Variants in EIF4G3 observed in about 807,000 individuals in gnomAD.
The protein encoded by EIF4G3 is eIF-4-gamma 3.
In EIF4G3, 34 loss-of-function variants were observed where a neutral mutation model predicts 186.4. The ratio of observed to expected loss-of-function variants is 0.18; its 90% CI spans 0.14 to 0.24. The LOEUF (loss-of-function observed/expected upper bound fraction) is 0.24. EIF4G3 is among the 10% of genes least tolerant of loss of function. The pLI, the probability that EIF4G3 is intolerant of heterozygous loss-of-function variation, is 1.00. For synonymous variants in EIF4G3, 673 were observed against 679.5 expected (o/e 0.99, Z 0.15); for missense variants, 1,536 against 1,948.5 (o/e 0.79, Z 3.99).
intron 2 of EIF4G3, chr1:21,168,173 G>C (rs771518134): frequency 2.6e-6 from 1 of 383,460 alleles, no homozygotes; most frequent in African/African-American, 2.2e-5. Flanking sequence ...GGAGGCTGAG[G>C]TGGGCAGATC....
intron 4 of EIF4G3, among the ~76,000 whole-genome samples, chr1:21,034,504 C>T (rs766179753): frequency 1.3e-5 from 2 of 152,196 alleles, no homozygotes; most frequent in Non-Finnish European, 2.9e-5. Flanking sequence ...ATTTGTGATG[C>T]CATTCTATCA....
chr1:21,159,436 A>C (rs1248595971), intron 2 of EIF4G3, among the ~76,000 whole-genome samples: 2 of 151,726 alleles, frequency 1.3e-5, no homozygotes, highest in African/African-American at 2.4e-5. Context: ...GGGTTTAAAA[A>C]AAAAAAAAAG....
intron 2 of EIF4G3, among the ~76,000 whole-genome samples, chr1:21,158,921 T>C (rs1233019546): frequency 6.6e-6 from 1 of 151,784 alleles, no homozygotes; most frequent in Non-Finnish European, 1.5e-5. Context: ...GTAAAGACAC[T>C]AGATCTGCAG....
At position 20,937,567 on chromosome 1, in the gene EIF4G3, T is replaced by C. The variant is rs1290371531; in HGVS notation, c.1663+3924A>G. Reference sequence around the variant, plus strand: ...GCAAGAGCCAAAAAAACAAAATAAATAGAAAAATTAGAAATCTCCCTCTGC... The same window carrying C: ...GCAAGAGCCAAAAAAACAAAATAAACAGAAAAATTAGAAATCTCCCTCTGC... On this transcript the variant is annotated intron_variant, in intron 14 of 36. Transcript: ENST00000602326. Among the ~76,000 whole-genome samples the C allele has an allele frequency of 2.6e-5, 4 of 152,056 alleles. No individual in the cohort carries two copies. In the South Asian group the frequency reaches 6.2e-4, roughly 24 times the overall value.
intron 4 of EIF4G3, among the ~76,000 whole-genome samples, chr1:21,049,753 T>C (rs1167770316): frequency 6.6e-6 from 1 of 152,126 alleles, no homozygotes; most frequent in Non-Finnish European, 1.5e-5. Context: ...TAGCCGGGCA[T>C]GGTGGCATGA....
At chr1:21,165,461 G>T (rs752167189) in intron 2 of EIF4G3, among the ~76,000 whole-genome samples, 42 of 152,074 alleles carry the variant, frequency 2.8e-4, no homozygotes, top group Admixed American at 6.6e-4. Flanking sequence ...CCAAAAAGTT[G>T]AAACAACCCA....
intron 2 of EIF4G3, among the ~76,000 whole-genome samples, chr1:21,114,722 A>AT (rs200206700): frequency 0.12 from 17,567 of 152,128 alleles, 1,405 homozygotes; most frequent in Non-Finnish European, 0.17. Flanking sequence ...AATAAAAAAA[A>AT]TTTTTTTTGC....
At chr1:20,871,119 A>G (rs1283289792) in intron 20 of EIF4G3, among the ~76,000 whole-genome samples, 1 of 152,242 alleles carries the variant, frequency 6.6e-6, no homozygotes, top group Non-Finnish European at 1.5e-5. Context: ...AAATAATTTT[A>G]TACTCTAGGA....
At chr1:21,156,790 T>C (rs2097668734) in intron 2 of EIF4G3, among the ~76,000 whole-genome samples, 1 of 152,048 alleles carries the variant, frequency 6.6e-6, no homozygotes, top group African/African-American at 2.4e-5. Flanking sequence ...CTTGGAAAAA[T>C]TAGGCCGGGC....
chr1:20,842,655 C>T (rs768405394), intron 29 of EIF4G3, among the ~76,000 whole-genome samples: 5 of 151,576 alleles, frequency 3.3e-5, no homozygotes, highest in Admixed American at 2.6e-4. Flanking sequence ...CGTGAGCCAC[C>T]GCGCCCGGCT....
intron 6 of EIF4G3, chr1:20,998,766 T>TTG (rs2082849730): frequency 2.7e-6 from 1 of 369,634 alleles, no homozygotes; most frequent in Non-Finnish European, 5.4e-6. Flanking sequence ...ACGTTAGCTA[T>TTG]TGTAATGTTA....
intron 2 of EIF4G3, among the ~76,000 whole-genome samples, chr1:21,141,687 G>A (rs1252319746): frequency 2.6e-5 from 4 of 152,064 alleles, no homozygotes; most frequent in Admixed American, 6.6e-5. Flanking sequence ...CCAACACTTT[G>A]GGAAGCCAAG....
At chr1:21,045,856 T>A (rs1216772907) in intron 4 of EIF4G3, among the ~76,000 whole-genome samples, 2 of 152,134 alleles carry the variant, frequency 1.3e-5, no homozygotes, top group Non-Finnish European at 2.9e-5. Context: ...AAAATAGTTT[T>A]ATAATTTTCC....
chr1:20,982,418 T>G lies in EIF4G3; in HGVS notation c.178-10A>C. 1 of 1,525,708 alleles carries G rather than the reference T, an allele frequency of 6.6e-7. No individual in the cohort carries two copies. Among genetic ancestry groups the G allele is most frequent in the East Asian group, 2.5e-5 (1 of 39,906 alleles). 94.5% of individuals were successfully genotyped at this position (1,525,708 alleles called of 1,614,324 possible). A position where few individuals can be genotyped will look rare whatever the true frequency, so the allele number is the denominator to read the frequency against. Reference sequence around the variant, plus strand: ...TAGGTCTGAATCCTCCCTTCAAATATGAAGCAAGAAAGCAGCAGGAAACAG... The same window carrying G: ...TAGGTCTGAATCCTCCCTTCAAATAGGAAGCAAGAAAGCAGCAGGAAACAG... On this transcript the variant is annotated splice_polypyrimidine_tract_variant and intron_variant, in intron 7 of 36. Coordinates refer to ENST00000602326, the MANE Select transcript of EIF4G3 (RefSeq NM_001391906.1).
At chr1:20,835,868 T>C (rs1571338198) in intron 30 of EIF4G3, among the ~76,000 whole-genome samples, 2 of 151,376 alleles carry the variant, frequency 1.3e-5, no homozygotes, top group Non-Finnish European at 2.9e-5. Flanking sequence ...GCCCAGGAGG[T>C]TGAGGTTGCA....
intron 2 of EIF4G3, among the ~76,000 whole-genome samples, chr1:21,125,196 C>T (rs931636445): frequency 2.0e-5 from 3 of 151,906 alleles, no homozygotes; most frequent in African/African-American, 4.8e-5. Flanking sequence ...CTGGGTTCTA[C>T]GTATGCAGCA....
At chr1:21,095,880 C>T (rs1178414342) in intron 2 of EIF4G3, among the ~76,000 whole-genome samples, 1 of 151,568 alleles carries the variant, frequency 6.6e-6, no homozygotes, top group South Asian at 2.1e-4. Context: ...GATAAAAATA[C>T]ACATACACAT....
chr1:21,173,669 C>A (rs1208697551), intron 2 of EIF4G3, among the ~76,000 whole-genome samples: 1 of 152,118 alleles, frequency 6.6e-6, no homozygotes, highest in African/African-American at 2.4e-5. Context: ...GCCTGGGCGA[C>A]AAAGCAAGAC....
At chr1:21,115,875 T>C (rs754494447) in intron 2 of EIF4G3, among the ~76,000 whole-genome samples, 3 of 152,038 alleles carry the variant, frequency 2.0e-5, no homozygotes, top group South Asian at 4.2e-4. Context: ...GGGACCACCA[T>C]GCCCAGCTAA....
Sources: gnomAD v4.1 joint callset for allele counts (sites outside exome capture counted in the v4.1 genomes callset) on GRCh38, gnomAD v4.1.1 for gene constraint, MANE v1.5 for transcripts, NCBI Gene and HGNC (gene_info 2026-07-23, HGNC 2026-07-21) for gene names.